The following N4BP3 variants were observed in gnomAD, a reference collection of about 807,000 sequenced individuals.
N4BP3 encodes the protein NEDD4-binding protein 3.
A neutral mutation model predicts 43.8 loss-of-function variants in N4BP3; 33 were observed. The observed-to-expected ratio is 0.75, with a 90% CI of 0.57 to 1.01. The LOEUF is 1.01. N4BP3 is among the 50% of genes least tolerant of loss of function. The pLI is 0.00. For missense variants in N4BP3, 756 were observed against 744.2 expected (o/e 1.02, Z -0.18); for synonymous variants, 326 against 321.9 (o/e 1.01, Z -0.14).
Position 178,121,892 on chromosome 5 carries a change from G to A in N4BP3, c.1526G>A (p.Gly509Glu). Residue 509 changes from glycine (G) to glutamate (E), a missense_variant, in exon 5 of 5, where the codon GGA becomes GAA. Transcript: ENST00000274605. ...RVLRYQREIQGGYMDMYRRNQ... is the reference protein window; with the variant it reads ...RVLRYQREIQEGYMDMYRRNQ... ...CTGCGCTACCAGCGGGAGATCCAGG[G>A]AGGGTACATGGACATGTACCGCCGC... The A allele has an allele frequency of 4.3e-6, 7 of 1,611,172 alleles. No homozygotes were observed. The highest frequency in any genetic ancestry group is 5.9e-6 in the Non-Finnish European group (7 of 1,179,572).
chr5:178,114,071 C>T (rs916996732), intron 1 of N4BP3, among the ~76,000 whole-genome samples: 1 of 152,048 alleles, frequency 6.6e-6, no homozygotes, highest in Non-Finnish European at 1.5e-5. Context: ...GGGAGCAGCG[C>T]GCGGGACCCC....
chr5:178,120,359 T>G lies in N4BP3; in HGVS notation c.512T>G (p.Leu171Arg). Residue 171 changes from leucine to arginine, a missense_variant, in exon 3 of 5, where the codon CTG becomes CGG. Transcript: ENST00000274605. The stretch of plus-strand genomic sequence containing the variant: ...CGGGCCAGCCAGGCCCGGGCACAGC[T>G]GCTGCACGCCCTCAGCCTAGATGAG... Reference protein sequence around the residue: ...GPRASQARAQLLHALSLDEGG... With the variant: ...GPRASQARAQRLHALSLDEGG... 6.2e-7 allele frequency: 1 copy of G among 1,608,388 alleles called. No individual in the cohort carries two copies. The highest frequency in any genetic ancestry group is 2.2e-5 in the East Asian group (1 of 44,716).
At chr5:178,116,504 A>G (rs1757776658) in intron 1 of N4BP3, among the ~76,000 whole-genome samples, 1 of 152,152 alleles carries the variant, frequency 6.6e-6, no homozygotes, top group African/African-American at 2.4e-5. Flanking sequence ...ACACTAGGTC[A>G]TCATGCCACT....
downstream of N4BP3, among the ~76,000 whole-genome samples, chr5:178,126,608 C>T (rs1356467880): frequency 6.6e-6 from 1 of 152,184 alleles, no homozygotes; most frequent in East Asian, 1.9e-4. Flanking sequence ...ATCTGACCAT[C>T]GCTCACTCCT....
At chr5:178,126,566 G>C (rs1758069302), downstream of N4BP3, among the ~76,000 whole-genome samples, 1 of 152,188 alleles carries the variant, frequency 6.6e-6, no homozygotes, top group Admixed American at 6.5e-5. Flanking sequence ...AAAGTATGAA[G>C]CTGTGGGAGG....
In N4BP3 at chr5:178,120,364, CACGCCCTCAGCCTAGA is replaced by C; in HGVS notation, c.518_533del (p.His173LeufsTer61). 6.2e-7 allele frequency: 1 copy of C among 1,607,844 alleles called. No homozygotes were observed. The highest frequency in any genetic ancestry group is 2.2e-5 in the East Asian group (1 of 44,712). On this transcript the variant is annotated frameshift_variant, in exon 3 of 5. Coordinates refer to ENST00000274605, the MANE Select transcript of N4BP3 (RefSeq NM_015111.2). LOFTEE classifies it high-confidence loss of function. ...CAGCCAGGCCCGGGCACAGCTGCTG[CACGCCCTCAGCCTAGA>C]TGAGGGCGGCCCTGAGCCCGAGCCC... is the stretch of plus-strand genomic sequence containing the variant.
At position 178,122,087 on chromosome 5, in the gene N4BP3, T is replaced by A; in HGVS notation, c.*86T>A. 6 of 1,447,284 alleles carry A rather than the reference T, an allele frequency of 4.1e-6. No individual in the cohort carries two copies. The highest frequency in any genetic ancestry group is 5.5e-6 in the Non-Finnish European group (6 of 1,095,464). 89.7% of individuals were successfully genotyped at this position (1,447,284 alleles called of 1,614,324 possible). A position where few individuals can be genotyped will look rare whatever the true frequency, so the allele number is the denominator to read the frequency against. On this transcript the variant is annotated 3_prime_UTR_variant, in exon 5 of 5. Coordinates refer to ENST00000274605, the MANE Select transcript of N4BP3 (RefSeq NM_015111.2). ...CAGCCTTCCCTTGCACTGGTTGGGGTGGAACCTGCAGAGGCCAGCCCGGGG... is the reference window on the plus strand; with the variant it reads ...CAGCCTTCCCTTGCACTGGTTGGGGAGGAACCTGCAGAGGCCAGCCCGGGG...
chr5:178,122,295 G>A lies in N4BP3; in HGVS notation c.*294G>A, dbSNP rs962157649. ...GATCACCAGCCCCAAGGTCCCGAAG[G>A]GCAGGTCAGAGGGAGAGAGGCTGGA... On this transcript the variant is annotated 3_prime_UTR_variant, in exon 5 of 5. Coordinates refer to ENST00000274605, the MANE Select transcript of N4BP3 (RefSeq NM_015111.2). The A allele has an allele frequency of 1.4e-5, 5 of 367,966 alleles. No individual in the cohort carries two copies. The highest frequency in any genetic ancestry group is 4.1e-5 in the African/African-American group (2 of 48,552). The allele number at this position is 367,966 out of a possible 1,614,324, so 22.8% of individuals were successfully genotyped here. A position where few individuals can be genotyped will look rare whatever the true frequency, so the allele number is the denominator to read the frequency against.
chr5:178,117,451 A>G (rs1003719296), intron 1 of N4BP3, among the ~76,000 whole-genome samples: 1 of 151,908 alleles, frequency 6.6e-6, no homozygotes, highest in Non-Finnish European at 1.5e-5. Context: ...ACTGACCTTT[A>G]AGAAGGGTCA....
intron 1 of N4BP3, among the ~76,000 whole-genome samples, chr5:178,116,161 C>A (rs912730835): frequency 1.3e-5 from 2 of 152,220 alleles, no homozygotes; most frequent in African/African-American, 4.8e-5. Flanking sequence ...CCTCCTCCCC[C>A]ACCAAATCCC....
chr5:178,120,664 C>G lies in N4BP3; in HGVS notation c.817C>G (p.Leu273Val), dbSNP rs1267685733. 7.5e-6 allele frequency: 12 copies of G among 1,602,540 alleles called. No homozygotes were observed. The highest frequency in any genetic ancestry group is 9.3e-6 in the Non-Finnish European group (11 of 1,179,682). The change falls in exon 3 of 5, where the codon CTT becomes GTT. Residue 273 changes from leucine (L) to valine (V), a missense_variant. By Grantham distance (32) the Leu-to-Val change is conservative. Coordinates refer to ENST00000274605, the MANE Select transcript of N4BP3 (RefSeq NM_015111.2). ...GACCTGTGAGGAGCTCAAGAGGGGC[C>G]TTGGCGATGAGGACGGCTCCAACCC... Reference protein sequence around the residue: ...PETCEELKRGLGDEDGSNPFT... With the variant: ...PETCEELKRGVGDEDGSNPFT...
At chr5:178,119,245 CG>C (rs1561615967) in intron 1 of N4BP3, among the ~76,000 whole-genome samples, 2 of 152,224 alleles carry the variant, frequency 1.3e-5, no homozygotes, top group East Asian at 3.9e-4. Context: ...TATCCCCTCC[CG>C]GTACTTCTGA....
At chr5:178,126,307 T>C (rs1043803051), downstream of N4BP3, among the ~76,000 whole-genome samples, 2 of 151,918 alleles carry the variant, frequency 1.3e-5, no homozygotes, top group African/African-American at 4.8e-5. Flanking sequence ...GCCTCCTGAG[T>C]AGCTGAGACT....
At chr5:178,120,125 C>G in intron 2 of N4BP3, 53 bp from the exon 3 acceptor site, 1 of 1,520,312 alleles carries the variant, frequency 6.6e-7, no homozygotes. Flanking sequence ...GGAGGTAGAG[C>G]AGGCAGCTGC....
At chr5:178,121,057 G>A (rs1377759820) in intron 3 of N4BP3, 41 bp from the exon 4 acceptor site, 6 of 1,581,170 alleles carry the variant, frequency 3.8e-6, no homozygotes, top group Middle Eastern at 2.3e-4. Context: ...GTCGCCTCTA[G>A]GGGGCAGGGC....
chr5:178,115,614 C>T (rs1487902462), intron 1 of N4BP3, among the ~76,000 whole-genome samples: 2 of 152,196 alleles, frequency 1.3e-5, no homozygotes, highest in African/African-American at 4.8e-5. Flanking sequence ...TGACCTTAGG[C>T]GTGTTACTTC....
chr5:178,122,239 AGT>A lies in N4BP3; in HGVS notation c.*240_*241del. On this transcript the variant is annotated 3_prime_UTR_variant, in exon 5 of 5. Coordinates refer to ENST00000274605, the MANE Select transcript of N4BP3 (RefSeq NM_015111.2). ...GGCAGGGCCCAGCCCTGCTTCCTGG[AGT>A]GGATGTGGCCCAGAGAAGGAGGCTG... is the stretch of plus-strand genomic sequence containing the variant. The A allele has an allele frequency of 4.0e-6, 2 of 505,662 alleles. No homozygotes were observed. The highest frequency in any genetic ancestry group is 3.2e-5 in the South Asian group (1 of 31,526). 31.3% of individuals were successfully genotyped at this position (505,662 alleles called of 1,614,324 possible). A position where few individuals can be genotyped will look rare whatever the true frequency, so the allele number is the denominator to read the frequency against.
At chr5:178,119,299 G>A (rs923200681) in intron 1 of N4BP3, among the ~76,000 whole-genome samples, 11 of 152,190 alleles carry the variant, frequency 7.2e-5, no homozygotes, top group African/African-American at 1.4e-4. Context: ...TTCGGTGCTC[G>A]GCTGGGGCAC....
In N4BP3 at chr5:178,121,474, G is replaced by A; in HGVS notation, c.1108G>A (p.Val370Met). The change falls in exon 5 of 5, where the codon GTG becomes ATG. Residue 370 changes from valine to methionine, a missense_variant and splice_region_variant. Val to Met is a conservative substitution (Grantham distance 21, BLOSUM62 1). Coordinates refer to ENST00000274605, the MANE Select transcript of N4BP3 (RefSeq NM_015111.2). ...ARPEEEARWEVCQKTAEISLL... is the reference protein window; with the variant it reads ...ARPEEEARWEMCQKTAEISLL... The stretch of plus-strand genomic sequence containing the variant: ...TGCTTGCGTCCTCCCCATCCCCCAG[G>A]TGTGCCAGAAGACAGCAGAGATTAG... 1 of 1,613,886 alleles carries A rather than the reference G, an allele frequency of 6.2e-7. No individual in the cohort carries two copies. The highest frequency in any genetic ancestry group is 8.5e-7 in the Non-Finnish European group (1 of 1,179,994).
Sources: gnomAD v4.1 joint callset for allele counts (sites outside exome capture counted in the v4.1 genomes callset) on GRCh38, gnomAD v4.1.1 for gene constraint, MANE v1.5 for transcripts, NCBI Gene and HGNC (gene_info 2026-07-23, HGNC 2026-07-21) for gene names.